Variants in WDSUB1 observed in about 807,000 individuals in gnomAD.
The protein encoded by WDSUB1 is WD repeat, SAM and U-box domain-containing protein 1.
Under a neutral mutation model 53.9 loss-of-function variants are expected in WDSUB1, and 49 were observed. The observed-to-expected ratio is 0.91, with a 90% CI of 0.72 to 1.15. The LOEUF (loss-of-function observed/expected upper bound fraction) is 1.15, where lower values mean the gene tolerates loss of function less well. WDSUB1 is among the 50% of genes most tolerant of loss of function. The pLI is 0.00. For synonymous variants in WDSUB1, 194 were observed against 200.6 expected, an observed-to-expected ratio of 0.97 and a Z score of 0.28; for missense variants, 514 against 562.0, an observed-to-expected ratio of 0.91 and a Z score of 0.86.
rs374038625 is a variant in WDSUB1, at chr2:159,250,088, C to CAAAAA, written c.1133-1581_1133-1577dup. 3.7e-3 allele frequency among the ~76,000 whole-genome samples: 312 copies of CAAAAA among 83,498 alleles called. 1 individual carries two copies. The highest frequency in any genetic ancestry group is 0.01 in the African/African-American group (286 of 28,112). 54.8% of individuals were successfully genotyped at this position (83,498 alleles called of 152,430 possible). ...TGGGCGACACAGTGAGACTCTGCCTCAAAAAAAAAAAAAAAAAAAGAAGGG... is the reference window on the plus strand; with the variant it reads ...TGGGCGACACAGTGAGACTCTGCCTCAAAAAAAAAAAAAAAAAAAAAAAAGAAGGG... On this transcript the variant is annotated intron_variant, in intron 9 of 10. Transcript: ENST00000359774.
chr2:159,244,928 T>C (rs1164964382), intron 10 of WDSUB1, among the ~76,000 whole-genome samples: 1 of 152,146 alleles, frequency 6.6e-6, no homozygotes, highest in African/African-American at 2.4e-5. Context: ...AGACCTCATC[T>C]CTAAAAAGTA....
chr2:159,250,973 A>C (rs1051098827), intron 9 of WDSUB1, among the ~76,000 whole-genome samples: 2 of 152,068 alleles, frequency 1.3e-5, no homozygotes, highest in Admixed American at 1.3e-4. Context: ...TAACATAATA[A>C]GAAAAGGAGG....
At chr2:159,244,921 C>CCTCAT (rs2060755033) in intron 10 of WDSUB1, among the ~76,000 whole-genome samples, 1 of 151,952 alleles carries the variant, frequency 6.6e-6, no homozygotes. Flanking sequence ...CAGAATGAGA[C>CCTCAT]CTCATCTCTA....
intron 1 of WDSUB1, among the ~76,000 whole-genome samples, chr2:159,285,063 T>C (rs2061757643): frequency 6.6e-6 from 1 of 152,202 alleles, no homozygotes; most frequent in East Asian, 1.9e-4. Flanking sequence ...TTAAATTGTC[T>C]CCTCCGACTA....
At chr2:159,258,477 G>A (rs373109926) in intron 6 of WDSUB1, among the ~76,000 whole-genome samples, 26 of 152,258 alleles carry the variant, frequency 1.7e-4, no homozygotes, top group South Asian at 8.3e-4. Context: ...TGGCCAACAC[G>A]GTGAAACCCC....
At position 159,238,435 on chromosome 2, in the gene WDSUB1, C is replaced by A. The variant is rs201488750; in HGVS notation, c.1274-2245G>T. On this transcript the variant is annotated intron_variant, in intron 10 of 10. Coordinates refer to ENST00000359774, the MANE Select transcript of WDSUB1 (RefSeq NM_001128212.3). ...GAATAGCTGGGACTCCAGGTACAAG[C>A]CGCTGCGCTCTGCAGGTTTCCCTTT... 2.6e-5 allele frequency among the ~76,000 whole-genome samples: 4 copies of A among 152,188 alleles called. No individual in the cohort carries two copies. In the East Asian group the frequency reaches 7.7e-4, roughly 29 times the overall value.
At chr2:159,277,537 C>T (rs2061569496) in intron 3 of WDSUB1, among the ~76,000 whole-genome samples, 1 of 152,076 alleles carries the variant, frequency 6.6e-6, no homozygotes. Context: ...TACTTTTCTT[C>T]AGGAAAAATA....
intron 10 of WDSUB1, among the ~76,000 whole-genome samples, chr2:159,241,052 C>G (rs1238167133): frequency 6.6e-6 from 1 of 152,190 alleles, no homozygotes; most frequent in Non-Finnish European, 1.5e-5. Flanking sequence ...TATACTTGAA[C>G]TGCAACTGAA....
chr2:159,282,870 T>A lies in WDSUB1; in HGVS notation c.200A>T (p.His67Leu), dbSNP rs1265732449. Residue 67 changes from histidine to leucine, a missense_variant, in exon 2 of 11, where the codon CAT (histidine) becomes CTT (leucine). His to Leu is a moderately conservative substitution (Grantham distance 99, BLOSUM62 -3). Transcript: ENST00000359774. ...ATCTGTTGAACACGATGCCAAAATATGTCCTGAAGGGGAGAAACAGCAGCA... is the reference window on the plus strand; with the variant it reads ...ATCTGTTGAACACGATGCCAAAATAAGTCCTGAAGGGGAGAAACAGCAGCA... The part of the protein sequence containing the change: ...VHCCCFSPSG[H>L]ILASCSTDGT... 1.2e-6 allele frequency: 2 copies of A among 1,614,164 alleles called. No individual in the cohort carries two copies. Among genetic ancestry groups the A allele is most frequent in the Admixed American group, 3.3e-5 (2 of 60,018 alleles).
At chr2:159,268,272 G>C (rs2061382895) in intron 5 of WDSUB1, among the ~76,000 whole-genome samples, 2 of 152,182 alleles carry the variant, frequency 1.3e-5, no homozygotes, top group African/African-American at 4.8e-5. Context: ...CCTTTTCTAT[G>C]CCCTATTCCA....
intron 2 of WDSUB1, among the ~76,000 whole-genome samples, chr2:159,281,801 C>T (rs2061670620): frequency 6.6e-6 from 1 of 152,088 alleles, no homozygotes; most frequent in Non-Finnish European, 1.5e-5. Flanking sequence ...CATGGGGAAA[C>T]CCAGTCTCTA....
intron 9 of WDSUB1, among the ~76,000 whole-genome samples, chr2:159,252,017 TG>T: frequency 6.6e-6 from 1 of 152,156 alleles, no homozygotes; most frequent in Non-Finnish European, 1.5e-5. Flanking sequence ...CACGAGAGCC[TG>T]GAATTGAACA....
rs544213835 is a variant in WDSUB1, at chr2:159,243,371, G to T, written c.1273+5001C>A. On this transcript the variant is annotated intron_variant, in intron 10 of 10. Transcript: ENST00000359774. ...AAGTGCTCTGTCTCAACTGTAGTAA[G>T]GTAATCACAAACCTCTAGACAGGAT... is the stretch of plus-strand genomic sequence containing the variant. 8.8e-5 allele frequency among the ~76,000 whole-genome samples: 13 copies of T among 147,566 alleles called. 1 individual carries two copies. Among genetic ancestry groups the T allele is most frequent in the African/African-American group, 3.4e-4 (13 of 37,818 alleles).
At chr2:159,275,511 A>G (rs1460951263) in intron 4 of WDSUB1, 35 bp downstream of exon 4, 1 of 1,503,878 alleles carries the variant, frequency 6.6e-7, no homozygotes, top group Non-Finnish European at 9.0e-7. Flanking sequence ...CCAGACCACA[A>G]ATAATTTTAG....
At chr2:159,253,209 G>A (rs1248214500) in intron 9 of WDSUB1, among the ~76,000 whole-genome samples, 4 of 152,168 alleles carry the variant, frequency 2.6e-5, no homozygotes, top group African/African-American at 7.2e-5. Flanking sequence ...TGTTATAGTA[G>A]TAGTCACAAA....
chr2:159,241,518 T>G (rs1029752338), intron 10 of WDSUB1, among the ~76,000 whole-genome samples: 1 of 130,626 alleles, frequency 7.7e-6, no homozygotes, highest in Non-Finnish European at 1.5e-5. Context: ...ACTGAGATCA[T>G]GTCACTGCAT....
intron 9 of WDSUB1, among the ~76,000 whole-genome samples, chr2:159,251,436 G>A (rs1186854700): frequency 6.6e-6 from 1 of 152,088 alleles, no homozygotes; most frequent in Non-Finnish European, 1.5e-5. Context: ...AGGTTAAATT[G>A]GGCATTATCC....
At chr2:159,259,260 A>C (rs995215512) in intron 6 of WDSUB1, among the ~76,000 whole-genome samples, 4 of 152,170 alleles carry the variant, frequency 2.6e-5, no homozygotes, top group African/African-American at 9.7e-5. Context: ...CCTGGACTCA[A>C]GCCATCTGCC....
At chr2:159,252,409 CA>C (rs2060970998) in intron 9 of WDSUB1, among the ~76,000 whole-genome samples, 1 of 152,188 alleles carries the variant, frequency 6.6e-6, no homozygotes, top group South Asian at 2.1e-4. Flanking sequence ...AAGCCATTAA[CA>C]GCCATAAAGA....
Sources: allele counts gnomAD v4.1 joint callset (sites outside exome capture counted in the v4.1 genomes callset), GRCh38; gene constraint gnomAD v4.1.1; transcripts MANE v1.5; gene names NCBI Gene and HGNC (gene_info 2026-07-23, HGNC 2026-07-21).